MLLT10: variants seen among roughly 807,000 people sequenced by gnomAD.
The protein encoded by MLLT10 is MLLT10 histone lysine methyltransferase DOT1L cofactor.
MLLT10 carries 30 observed loss-of-function variants against 129.1 expected under a neutral mutation model. The ratio of observed to expected loss-of-function variants is 0.23; its 90% CI spans 0.17 to 0.32. The LOEUF is 0.32. Ranked by LOEUF, MLLT10 falls within the 10% of genes least tolerant of loss-of-function variation. The pLI is 1.00. For synonymous variants in MLLT10, 490 were observed against 446.4 expected, an observed-to-expected ratio of 1.10 and a Z score of -1.23; for missense variants, 1,119 against 1,268.3, an observed-to-expected ratio of 0.88 and a Z score of 1.79.
rs1030986750 is a variant in MLLT10, at chr10:21,637,005, T to A, written c.700-14668T>A. On this transcript the variant is annotated intron_variant, in intron 8 of 22. Coordinates refer to ENST00000307729, the MANE Select transcript of MLLT10 (RefSeq NM_001195626.3). ...CTTCCTCATAAGGCCTTAGTGGGTG[T>A]GGCGTTCAGTTTCAGTAAGAACTCT... 4.6e-5 allele frequency among the ~76,000 whole-genome samples: 7 copies of A among 152,326 alleles called. No homozygotes were observed. In the South Asian group the frequency reaches 1.4e-3, roughly 32 times the overall value.
rs1418530019 is a variant in MLLT10, at chr10:21,649,743, AG to A, written c.700-1928del. On this transcript the variant is annotated intron_variant, in intron 8 of 22. Transcript: ENST00000307729. ...TGGTGGCTGATAACTGAGGTGGCAG[AG>A]GTGGAAGCCATGAAGACTTCTTAAA... is the stretch of plus-strand genomic sequence containing the variant. Among the ~76,000 whole-genome samples, 5 of 152,166 alleles carry A rather than the reference AG, an allele frequency of 3.3e-5. No individual in the cohort carries two copies. In the East Asian group the frequency reaches 9.6e-4, roughly 29 times the overall value.
chr10:21,645,137 T>A (rs530521189), intron 8 of MLLT10, among the ~76,000 whole-genome samples: 2 of 152,302 alleles, frequency 1.3e-5, no homozygotes, highest in African/African-American at 4.8e-5. Context: ...TTCTCAGAAT[T>A]TTTGGGAATT....
At chr10:21,544,380 C>G (rs1393122262) in intron 3 of MLLT10, among the ~76,000 whole-genome samples, 1 of 152,102 alleles carries the variant, frequency 6.6e-6, no homozygotes, top group Non-Finnish European at 1.5e-5. Flanking sequence ...AGCACTGGAC[C>G]GTTTTGCTAT....
intron 8 of MLLT10, among the ~76,000 whole-genome samples, chr10:21,628,201 C>T (rs914325874): frequency 1.3e-5 from 2 of 152,248 alleles, no homozygotes; most frequent in East Asian, 3.9e-4. Flanking sequence ...TGGGAACATC[C>T]GTCTCCTGGT....
At chr10:21,593,601 T>G (rs545971944) in intron 4 of MLLT10, among the ~76,000 whole-genome samples, 48 of 152,226 alleles carry the variant, frequency 3.2e-4, no homozygotes, top group African/African-American at 1.1e-3. Flanking sequence ...GTCATGTGTT[T>G]GGTACTTATT....
At chr10:21,626,881 T>A (rs2046504043) in intron 8 of MLLT10, among the ~76,000 whole-genome samples, 2 of 152,160 alleles carry the variant, frequency 1.3e-5, no homozygotes, top group Non-Finnish European at 2.9e-5. Context: ...ACAGGTCTTT[T>A]CAGGAACATC....
chr10:21,652,928 A>G (rs2049194168), intron 9 of MLLT10, among the ~76,000 whole-genome samples: 1 of 152,226 alleles, frequency 6.6e-6, no homozygotes, highest in Non-Finnish European at 1.5e-5. Context: ...AGTTAGAGGC[A>G]TATGAGAAAG....
At chr10:21,707,264 C>G (rs910315332) in intron 13 of MLLT10, among the ~76,000 whole-genome samples, 1 of 148,764 alleles carries the variant, frequency 6.7e-6, no homozygotes. Flanking sequence ...GCGATCTCGA[C>G]TCACTGCAAG....
At chr10:21,688,125 G>A (rs1371225104) in intron 13 of MLLT10, among the ~76,000 whole-genome samples, 1 of 151,358 alleles carries the variant, frequency 6.6e-6, no homozygotes, top group Non-Finnish European at 1.5e-5. Flanking sequence ...TCCACCACTG[G>A]GGAGAAAAAG....
chr10:21,572,969 A>T (rs190321617), intron 3 of MLLT10, among the ~76,000 whole-genome samples: 852 of 152,184 alleles, frequency 5.6e-3, no homozygotes, highest in South Asian at 0.028. Context: ...TATTAAATAC[A>T]TTTTTTAGCA....
At chr10:21,672,159 C>T (rs1308960195) in intron 10 of MLLT10, among the ~76,000 whole-genome samples, 1 of 132,558 alleles carries the variant, frequency 7.5e-6, no homozygotes, top group African/African-American at 3.1e-5. Flanking sequence ...ACCTGTTTTC[C>T]AGGTTTTCAG....
intron 13 of MLLT10, among the ~76,000 whole-genome samples, chr10:21,693,370 CA>C (rs1239791003): frequency 7.2e-6 from 1 of 139,622 alleles, no homozygotes; most frequent in African/African-American, 2.5e-5. Context: ...ATGTCTTTCC[CA>C]GGGGGAAAAA....
intron 11 of MLLT10, among the ~76,000 whole-genome samples, chr10:21,675,746 T>G (rs2052026323): frequency 1.3e-5 from 2 of 152,212 alleles, no homozygotes; most frequent in African/African-American, 4.8e-5. Context: ...TTTGCTTTTG[T>G]GGGGAGACCT....
At chr10:21,637,433 C>CTGCCAGAG (rs1204090166) in intron 8 of MLLT10, among the ~76,000 whole-genome samples, 1 of 152,208 alleles carries the variant, frequency 6.6e-6, no homozygotes, top group Admixed American at 6.5e-5. Context: ...CCATCCTTGA[C>CTGCCAGAG]TGCCAGAGGA....
Position 21,547,963 on chromosome 10 carries a change from C to T in MLLT10, c.240+9051C>T, listed in dbSNP as rs145913493. Among the ~76,000 whole-genome samples the T allele has an allele frequency of 2.6e-4, 39 of 151,916 alleles. No homozygotes were observed. In the East Asian group the frequency reaches 7.4e-3, roughly 29 times the overall value. The stretch of plus-strand genomic sequence containing the variant: ...CTTGTTTGTGGGTTCATTTTTTTTA[C>T]TTTGAAGGTTTTGGTATTTTTTTCT... On this transcript the variant is annotated intron_variant, in intron 3 of 22. Coordinates refer to ENST00000307729, the MANE Select transcript of MLLT10 (RefSeq NM_001195626.3).
At position 21,735,085 on chromosome 10, in the gene MLLT10, T is replaced by TA. The variant is rs1374250521; in HGVS notation, c.2859-49dup. 3.0e-6 allele frequency: 4 copies of TA among 1,312,454 alleles called. No homozygotes were observed. In the East Asian group the frequency reaches 9.2e-5, roughly 30 times the overall value. The allele number at this position is 1,312,454 out of a possible 1,614,324, so 81.3% of individuals were successfully genotyped here. A position where few individuals can be genotyped will look rare whatever the true frequency, so the allele number is the denominator to read the frequency against. On this transcript the variant is annotated intron_variant, in intron 20 of 22. Transcript: ENST00000307729. ...AAGTTGTCTTTCATTTTTAGACTTC[T>TA]AAAAATGCATTAGAGGTGTGTAGTA...
chr10:21,707,551 T>C (rs958456356), intron 13 of MLLT10, among the ~76,000 whole-genome samples: 4 of 152,202 alleles, frequency 2.6e-5, no homozygotes, highest in Non-Finnish European at 4.4e-5. Flanking sequence ...TCAGTACTAC[T>C]ACCGTCTTTG....
At chr10:21,598,222 G>C (rs1197315453) in intron 5 of MLLT10, among the ~76,000 whole-genome samples, 2 of 152,044 alleles carry the variant, frequency 1.3e-5, no homozygotes, top group Non-Finnish European at 2.9e-5. Flanking sequence ...ATTTTAATGG[G>C]TCATATTCCA....
intron 8 of MLLT10, among the ~76,000 whole-genome samples, chr10:21,639,124 A>G (rs1246461653): frequency 6.6e-6 from 1 of 152,196 alleles, no homozygotes; most frequent in Non-Finnish European, 1.5e-5. Context: ...CTCATCACCA[A>G]ACTGTCAAGA....
Sources: allele counts gnomAD v4.1 joint callset (sites outside exome capture counted in the v4.1 genomes callset), GRCh38; gene constraint gnomAD v4.1.1; transcripts MANE v1.5; gene names NCBI Gene and HGNC (gene_info 2026-07-23, HGNC 2026-07-21).